Variants in DMD observed in about 807,000 individuals in gnomAD.
DMD encodes the protein dystrophin.
DMD carries 63 observed loss-of-function variants against 330.1 expected under a neutral mutation model. That is an observed-to-expected ratio of 0.19 (90% CI 0.16 to 0.24). DMD has a LOEUF of 0.24. Among genes scored for constraint, DMD ranks in the 10% least tolerant of loss-of-function variants. DMD has a pLI of 1.00. For missense variants in DMD, 3,344 were observed against 2,684.1 expected (o/e 1.25, Z -5.43); for synonymous variants, 1,223 against 959.8 (o/e 1.27, Z -5.07).
intron 19 of DMD, 37 bp from the exon 20 acceptor site, chrX:32,491,555 C>T (rs767863176): frequency 1.7e-6 from 2 of 1,171,260 alleles, no homozygotes; most frequent in Admixed American, 4.5e-5. Flanking sequence ...ATCCCCTGAA[C>T]CCACAGACTG....
Position 33,174,247 on chromosome X carries a change from A to G in DMD, c.31+37035T>C, listed in dbSNP as rs1354090180. On this transcript the variant is annotated intron_variant, in intron 1 of 78. Transcript: ENST00000357033. The stretch of plus-strand genomic sequence containing the variant: ...TGACTATGCAGGGTGGTCAGGTAAA[A>G]GGAAGTTACTACAGTAAAGGATGGT... Among the ~76,000 whole-genome samples the G allele has an allele frequency of 2.7e-5, 3 of 110,239 alleles. No homozygotes were observed. The South Asian group carries it at 1.2e-3, about 43-fold the overall frequency.
chrX:31,409,509 T>G (rs2061548263), intron 60 of DMD, among the ~76,000 whole-genome samples: 1 of 112,480 alleles, frequency 8.9e-6, no homozygotes. Context: ...TCAAGACTAT[T>G]GTGGCAATTT....
At chrX:33,053,092 T>C (rs2094476556) in intron 1 of DMD, among the ~76,000 whole-genome samples, 1 of 111,972 alleles carries the variant, frequency 8.9e-6, no homozygotes, top group Non-Finnish European at 1.9e-5. Context: ...TTCTTTTGCC[T>C]TATTTCCAAG....
intron 44 of DMD, among the ~76,000 whole-genome samples, chrX:32,209,518 T>C (rs1458045463): frequency 9.0e-6 from 1 of 111,624 alleles, no homozygotes; most frequent in South Asian, 3.7e-4. Context: ...TTGCAAAATA[T>C]TATTTCATGA....
In DMD at chrX:32,260,277, G is replaced by A. The variant is rs1013490946; in HGVS notation, c.6290+27252C>T. On this transcript the variant is annotated intron_variant, in intron 43 of 78. Coordinates refer to ENST00000357033, the MANE Select transcript of DMD (RefSeq NM_004006.3). ...AGAGCCACAAGATGAAAGCAATTTAGGTCCCTGAGTCACTGTGAAGGAATG... is the reference window on the plus strand; with the variant it reads ...AGAGCCACAAGATGAAAGCAATTTAAGTCCCTGAGTCACTGTGAAGGAATG... 2.7e-4 allele frequency among the ~76,000 whole-genome samples: 30 copies of A among 111,316 alleles called. No individual in the cohort carries two copies. The South Asian group carries it at 3.8e-3, about 14-fold the overall frequency.
At chrX:32,479,192 T>C (rs905564501) in intron 21 of DMD, among the ~76,000 whole-genome samples, 2 of 111,775 alleles carry the variant, frequency 1.8e-5, no homozygotes, top group Non-Finnish European at 3.8e-5. Context: ...TTATGGGGTA[T>C]CATGTGATGT....
chrX:31,599,244 T>A (rs2077240235), intron 55 of DMD, among the ~76,000 whole-genome samples: 1 of 112,149 alleles, frequency 8.9e-6, no homozygotes, highest in Admixed American at 9.5e-5. Flanking sequence ...TTCTCCTTAA[T>A]CTGTTTAGTT....
intron 1 of DMD, among the ~76,000 whole-genome samples, chrX:33,329,107 C>T (rs756472298): frequency 9.0e-6 from 1 of 111,606 alleles, no homozygotes; most frequent in African/African-American, 3.2e-5. Context: ...AGGGAAATTA[C>T]TAATGAAAGT....
At chrX:32,142,046 G>C (rs1453933112) in intron 44 of DMD, among the ~76,000 whole-genome samples, 1 of 111,251 alleles carries the variant, frequency 9.0e-6, no homozygotes, top group Non-Finnish European at 1.9e-5. Context: ...CATAATTGCA[G>C]ACTCAGACAA....
Position 31,369,904 on chromosome X carries a change from G to A in DMD, c.9085-21270C>T, listed in dbSNP as rs763029404. ...TAAAACTATAAGACATATAAAACAG[G>A]AGAGCCAAAATGGTGAAACCCCGTC... On this transcript the variant is annotated intron_variant, in intron 60 of 78. Transcript: ENST00000357033. Among the ~76,000 whole-genome samples, 3 of 110,155 alleles carry A rather than the reference G, an allele frequency of 2.7e-5. No homozygotes were observed. In the South Asian group the frequency reaches 1.2e-3, roughly 43 times the overall value.
chrX:33,204,977 G>A (rs984236236), intron 1 of DMD, among the ~76,000 whole-genome samples: 1 of 112,348 alleles, frequency 8.9e-6, no homozygotes, highest in Non-Finnish European at 1.9e-5. Context: ...CATTAGAGAC[G>A]GGGTGTGTAC....
chrX:31,829,839 T>A (rs2092981108), intron 49 of DMD, among the ~76,000 whole-genome samples: 1 of 112,304 alleles, frequency 8.9e-6, no homozygotes, highest in Non-Finnish European at 1.9e-5. Flanking sequence ...ATATTGTAAC[T>A]GAAACATCTA....
At chrX:31,888,349 G>T (rs954843821) in intron 47 of DMD, among the ~76,000 whole-genome samples, 13 of 110,921 alleles carry the variant, frequency 1.2e-4, no homozygotes, top group African/African-American at 4.3e-4. Flanking sequence ...GACTGAAGTT[G>T]GCCATTGTAT....
chrX:31,425,718 A>ACACACACACACAC (rs1569540974), intron 60 of DMD, among the ~76,000 whole-genome samples: 1 of 108,574 alleles, frequency 9.2e-6, no homozygotes, highest in African/African-American at 3.3e-5. Context: ...ACACGCACAC[A>ACACACACACACAC]ATACAGTTAT....
At chrX:32,608,716 T>A (rs552022503) in intron 12 of DMD, among the ~76,000 whole-genome samples, 3 of 110,827 alleles carry the variant, frequency 2.7e-5, no homozygotes, top group African/African-American at 9.8e-5. Context: ...TAAAAACATT[T>A]ACTGAGCATC....
chrX:32,598,178 A>G (rs2055785697), intron 12 of DMD, among the ~76,000 whole-genome samples: 1 of 112,421 alleles, frequency 8.9e-6, no homozygotes, highest in African/African-American at 3.2e-5. Context: ...TTTTCATACT[A>G]CATTTTCAAG....
intron 52 of DMD, among the ~76,000 whole-genome samples, chrX:31,680,349 G>A (rs2082308123): frequency 9.1e-6 from 1 of 110,333 alleles, no homozygotes; most frequent in Non-Finnish European, 1.9e-5. Context: ...GGGAAGATAA[G>A]TGTATTAGAA....
intron 18 of DMD, among the ~76,000 whole-genome samples, chrX:32,511,246 G>A (rs777891072): frequency 9.1e-5 from 10 of 110,300 alleles, no homozygotes; most frequent in Non-Finnish European, 1.7e-4. Flanking sequence ...TAATTTGGCC[G>A]GGCGCAGGGG....
rs1368635200 is a variant in DMD at position 32,884,472 on chromosome X, C to CA, written c.94-34653dup. On this transcript the variant is annotated intron_variant, in intron 2 of 78. Coordinates refer to ENST00000357033, the MANE Select transcript of DMD (RefSeq NM_004006.3). ...ATACATCATCTAACTTAATATTCAC[C>CA]AAAAAATTCAGGAAGGCAATATTTG... Among the ~76,000 whole-genome samples the CA allele has an allele frequency of 3.6e-5, 4 of 111,689 alleles. No homozygotes were observed. In the Admixed American group the frequency reaches 3.8e-4, roughly 11 times the overall value.
Sources: gnomAD v4.1 joint callset for allele counts (sites outside exome capture counted in the v4.1 genomes callset) on GRCh38, gnomAD v4.1.1 for gene constraint, MANE v1.5 for transcripts, NCBI Gene and HGNC (gene_info 2026-07-23, HGNC 2026-07-21) for gene names.